The following MACF1 variants were observed in gnomAD, a reference collection of about 807,000 sequenced individuals.
MACF1 encodes microtubule actin crosslinking factor 1.
In MACF1, 193 loss-of-function variants were observed where a neutral mutation model predicts 854.8. That is an observed-to-expected ratio of 0.23 (90% CI 0.20 to 0.25). MACF1 has a LOEUF of 0.25. Ranked by LOEUF, MACF1 falls within the 10% of genes least tolerant of loss-of-function variation. MACF1 has a pLI of 1.00. For synonymous variants in MACF1, 3,185 were observed against 3,226.7 expected (o/e 0.99, Z 0.44); for missense variants, 7,722 against 8,929.1 (o/e 0.86, Z 5.45).
At position 39,122,800 on chromosome 1, in the gene MACF1, G is replaced by A. The variant is rs148179045; in HGVS notation, c.220+38362G>A. 3.9e-3 allele frequency among the ~76,000 whole-genome samples: 594 copies of A among 152,232 alleles called. 2 individuals carry two copies. Among genetic ancestry groups the A allele is most frequent in the Non-Finnish European group, 6.1e-3 (418 of 68,012 alleles). The stretch of plus-strand genomic sequence containing the variant: ...TCCAGTTTATTCCAGAAGCATTCTC[G>A]CCAGAGTCACAATGTTGAAGTGGGT... On this transcript the variant is annotated intron_variant, in intron 2 of 93. Coordinates refer to the MACF1 transcript ENST00000361689.
intron 2 of MACF1, among the ~76,000 whole-genome samples, chr1:39,243,320 G>A (rs1043600450): frequency 5.9e-5 from 9 of 152,160 alleles, no homozygotes; most frequent in Admixed American, 2.6e-4. Flanking sequence ...CTCATTTGTT[G>A]ACAGAATGGT....
chr1:39,193,975 C>A (rs907990710), intron 2 of MACF1, among the ~76,000 whole-genome samples: 1 of 152,120 alleles, frequency 6.6e-6, no homozygotes, highest in African/African-American at 2.4e-5. Context: ...TCCCAAGTAG[C>A]TGGGATTACA....
intron 70 of MACF1, among the ~76,000 whole-genome samples, chr1:39,436,662 ATGT>A (rs1241851855): frequency 4.6e-5 from 7 of 152,340 alleles, no homozygotes; most frequent in Admixed American, 1.3e-4. Flanking sequence ...ATGGGAAGTG[ATGT>A]TGTTAAGGAA....
chr1:39,388,096 A>T lies in MACF1; in HGVS notation c.15254A>T (p.Asp5085Val). The change falls in exon 58 of 101, where the codon GAT (aspartate) becomes GTT (valine). Residue 5085 changes from aspartate to valine, a missense_variant. Physicochemically the swap from Asp to Val is radical, Grantham distance 152. Coordinates refer to ENST00000564288, the MANE Select transcript of MACF1 (RefSeq NM_001394062.1). ...GTAGAAGATGCCCCAGATGGATCTG[A>T]TGCTTCTCAACTTCTCCACCAAGCT... is the stretch of plus-strand genomic sequence containing the variant. ...GLVEDAPDGS[D>V]ASQLLHQAEV... 6.2e-7 allele frequency: 1 copy of T among 1,614,114 alleles called. No homozygotes were observed. Among genetic ancestry groups the T allele is most frequent in the Non-Finnish European group, 8.5e-7 (1 of 1,180,014 alleles).
At chr1:39,253,768 G>A (rs182300267) in intron 4 of MACF1, among the ~76,000 whole-genome samples, 6 of 152,108 alleles carry the variant, frequency 3.9e-5, no homozygotes, top group South Asian at 2.1e-4. Context: ...CTCCTGCCTC[G>A]GCCTCCCAAA....
At chr1:39,350,052 G>A (rs960209375) in intron 42 of MACF1, among the ~76,000 whole-genome samples, 1 of 152,116 alleles carries the variant, frequency 6.6e-6, no homozygotes, top group Admixed American at 6.6e-5. Flanking sequence ...AATTATACAG[G>A]TTATTATAAA....
At chr1:39,449,712 T>TTTTTGTC (rs1553428222) in intron 84 of MACF1, among the ~76,000 whole-genome samples, 1 of 145,980 alleles carries the variant, frequency 6.9e-6, no homozygotes, top group African/African-American at 2.5e-5. Context: ...TTTTTTTTTT[T>TTTTTGTC]GTCATGTTGA....
At chr1:39,220,972 C>T (rs1644645225) in intron 1 of MACF1, among the ~76,000 whole-genome samples, 1 of 152,130 alleles carries the variant, frequency 6.6e-6, no homozygotes, top group Admixed American at 6.6e-5. Flanking sequence ...GTAACAGAAG[C>T]AAGACTTCAG....
chr1:39,409,809 G>A lies in MACF1; in HGVS notation c.15817-12565G>A, dbSNP rs1360369315. The A allele has an allele frequency of 6.5e-6, 1 of 154,862 alleles. No homozygotes were observed. Among genetic ancestry groups the A allele is most frequent in the Non-Finnish European group, 1.4e-5 (1 of 69,984 alleles). 9.6% of individuals were successfully genotyped at this position (154,862 alleles called of 1,614,324 possible). On this transcript the variant is annotated intron_variant, in intron 58 of 100. Transcript: ENST00000564288. This position sits in a 1 kb window ranked among gnomAD's most constrained non-coding sequence, Gnocchi z 4.2. ...GAGGATAAAATGAAAGGAATTCTTA[G>A]GAGCTTGGGCCATACTTGAAGACTA...
intron 66 of MACF1, among the ~76,000 whole-genome samples, chr1:39,432,052 C>T (rs572995521): frequency 6.6e-6 from 1 of 152,252 alleles, no homozygotes; most frequent in African/African-American, 2.4e-5. Flanking sequence ...TCTTGGTTTT[C>T]GTTATTACAT....
At chr1:39,242,757 A>C (rs905145504) in intron 2 of MACF1, among the ~76,000 whole-genome samples, 5 of 127,888 alleles carry the variant, frequency 3.9e-5, no homozygotes, top group East Asian at 2.4e-4. Flanking sequence ...AAAAAAAAAA[A>C]CTTTATGGCC....
chr1:39,468,586 TATTA>T (rs769745960), intron 95 of MACF1, 25 bp from the exon 96 acceptor site: 66 of 1,552,924 alleles, frequency 4.3e-5, no homozygotes, highest in East Asian at 1.3e-4. Context: ...AAGACATATA[TATTA>T]ATTAAGTTTC....
intron 2 of MACF1, among the ~76,000 whole-genome samples, chr1:39,177,127 A>T (rs1044409218): frequency 1.3e-5 from 2 of 152,028 alleles, no homozygotes; most frequent in African/African-American, 4.8e-5. Context: ...GGTTTGAGAA[A>T]AGGAGATTTT....
intron 6 of MACF1, among the ~76,000 whole-genome samples, chr1:39,271,038 G>T (rs1466764705): frequency 1.3e-5 from 2 of 152,190 alleles, no homozygotes; most frequent in Non-Finnish European, 1.5e-5. Flanking sequence ...TATAAACATG[G>T]ATATGTGTGG....
chr1:39,471,334 G>C (rs1327999524), intron 97 of MACF1, among the ~76,000 whole-genome samples: 1 of 152,178 alleles, frequency 6.6e-6, no homozygotes, highest in African/African-American at 2.4e-5. Context: ...GATTAATGTG[G>C]CTTCTGGAAA....
chr1:39,254,151 G>GGGTCCAAAGACCCTAA, intron 4 of MACF1, 147 bp from the exon 5 acceptor site: 1 of 659,000 alleles, frequency 1.5e-6, no homozygotes, highest in Non-Finnish European at 2.7e-6. Context: ...CCTGGTCTTA[G>GGGTCCAAAGACCCTAA]GGGGTGCTTT....
chr1:39,173,708 A>G (rs1427747955), intron 2 of MACF1, among the ~76,000 whole-genome samples: 1 of 152,176 alleles, frequency 6.6e-6, no homozygotes, highest in East Asian at 1.9e-4. Context: ...AGAGTTACTG[A>G]GGGGCGGCTG....
At chr1:39,401,469 A>G (rs1277269223) in intron 58 of MACF1, among the ~76,000 whole-genome samples, 1 of 152,250 alleles carries the variant, frequency 6.6e-6, no homozygotes, top group Non-Finnish European at 1.5e-5. Context: ...GGCTGAGCCA[A>G]AAAATATCGG....
chr1:39,442,509 C>G lies in MACF1; in HGVS notation c.19046C>G (p.Ala6349Gly). 6.2e-7 allele frequency: 1 copy of G among 1,614,164 alleles called. No homozygotes were observed. Among genetic ancestry groups the G allele is most frequent in the South Asian group, 1.1e-5 (1 of 91,088 alleles). Reference sequence around the variant, plus strand: ...ACTCATACCGAAGAGTTGTTAGATGCTCAGAGACCAATAAGTGGAGACCCA... The same window carrying G: ...ACTCATACCGAAGAGTTGTTAGATGGTCAGAGACCAATAAGTGGAGACCCA... ...WLTHTEELLD[A>G]QRPISGDPKV... The change falls in exon 77 of 101, where the codon GCT (alanine) becomes GGT (glycine). Residue 6349 changes from alanine to glycine, a missense_variant. Physicochemically the swap from Ala to Gly is moderately conservative, Grantham distance 60. This residue lies in a region of MACF1 where 2,807 missense variants were observed against 3,235.8 expected (regional missense o/e 0.87). Transcript: ENST00000564288.
Sources: gnomAD v4.1 joint callset for allele counts (sites outside exome capture counted in the v4.1 genomes callset) on GRCh38, gnomAD v4.1.1 for gene constraint, gnomAD v4.1.1 regional missense constraint, Gnocchi (gnomAD v3.1) non-coding constraint, MANE v1.5 for transcripts, NCBI Gene and HGNC (gene_info 2026-07-23, HGNC 2026-07-21) for gene names.